The following AGFG1 variants were observed in gnomAD, a reference collection of about 807,000 sequenced individuals.
AGFG1 encodes ArfGAP with FG repeats 1.
In AGFG1, 10 loss-of-function variants were observed where a neutral mutation model predicts 60.6. The ratio of observed to expected loss-of-function variants is 0.16; its 90% CI spans 0.10 to 0.28. AGFG1 has a LOEUF of 0.28. Ranked by LOEUF, AGFG1 falls within the 10% of genes least tolerant of loss-of-function variation. The pLI is 1.00. For synonymous variants in AGFG1, 247 were observed against 242.9 expected (o/e 1.02, Z -0.16); for missense variants, 537 against 676.5 (o/e 0.79, Z 2.29).
rs1692923437 is a variant in AGFG1 at position 227,554,752 on chromosome 2, T to TA, written c.*258dup. ...TTGGCTAATATTAAGTTATTGCAGA[T>TA]ACCACATTCATTATGCTGCAGTACT... On this transcript the variant is annotated 3_prime_UTR_variant, in exon 13 of 13. Transcript: ENST00000310078. The TA allele has an allele frequency of 2.8e-6, 1 of 355,512 alleles. No homozygotes were observed. Among genetic ancestry groups the TA allele is most frequent in the African/African-American group, 2.1e-5 (1 of 47,878 alleles). The allele number at this position is 355,512 out of a possible 1,614,324, so 22.0% of individuals were successfully genotyped here. A position where few individuals can be genotyped will look rare whatever the true frequency, so the allele number is the denominator to read the frequency against.
Position 227,536,655 on chromosome 2 carries a change from T to C in AGFG1, c.1236T>C (p.Ala412=). ...SNVFGTVPVV[A]SAQTQPASSS... ...TTTTTGGAACAGTGCCAGTGGTTGC[T>C]TCTGCACAGACACAGCCTGCTTCAT... is the stretch of plus-strand genomic sequence containing the variant. Residue 412 remains alanine (A), a synonymous_variant, in exon 9 of 13, where the codon GCT becomes GCC. Transcript: ENST00000310078. 1 of 1,613,932 alleles carries C rather than the reference T, an allele frequency of 6.2e-7. No homozygotes were observed. The highest frequency in any genetic ancestry group is 8.5e-7 in the Non-Finnish European group (1 of 1,179,870).
chr2:227,558,190 A>G lies in AGFG1; in HGVS notation c.*3695A>G, dbSNP rs1693031081. The G allele has an allele frequency of 6.6e-6, 1 of 152,240 alleles. No individual in the cohort carries two copies. The highest frequency in any genetic ancestry group is 1.5e-5 in the Non-Finnish European group (1 of 68,036). The allele number at this position is 152,240 out of a possible 1,614,324, so 9.4% of individuals were successfully genotyped here. ...TATACTTTTAGGATGAAAGAAGCAA[A>G]GCATAGAGAGGTTAAGCTAGTGGCA... On this transcript the variant is annotated 3_prime_UTR_variant, in exon 13 of 13. Transcript: ENST00000310078.
chr2:227,497,005 GAGTTA>G (rs1347512995), intron 2 of AGFG1, among the ~76,000 whole-genome samples: 1 of 152,280 alleles, frequency 6.6e-6, no homozygotes, highest in East Asian at 1.9e-4. Flanking sequence ...TAGAGTGGCA[GAGTTA>G]AGTTATATAC....
chr2:227,515,762 TG>T lies in AGFG1; in HGVS notation c.262-4185del, dbSNP rs368192917. On this transcript the variant is annotated intron_variant, in intron 2 of 12. Coordinates refer to ENST00000310078, the MANE Select transcript of AGFG1 (RefSeq NM_004504.5). ...CATTCTCTCCCTTTTTTCCCAACCT[TG>T]AAACCCCCTTTTTTCAGTTGATGGT... 3.4e-3 allele frequency among the ~76,000 whole-genome samples: 514 copies of T among 152,216 alleles called. 3 individuals are homozygous for T. The highest frequency in any genetic ancestry group is 0.012 in the African/African-American group (488 of 41,526).
At chr2:227,472,953 G>A (rs997082426) in intron 1 of AGFG1, among the ~76,000 whole-genome samples, 1 of 151,088 alleles carries the variant, frequency 6.6e-6, no homozygotes, top group Non-Finnish European at 1.5e-5. Flanking sequence ...GGGGCGCCGG[G>A]CTGTGGGGGG....
intron 10 of AGFG1, among the ~76,000 whole-genome samples, chr2:227,541,466 T>G (rs1171257131): frequency 1.3e-5 from 2 of 152,230 alleles, no homozygotes; most frequent in African/African-American, 4.8e-5. Flanking sequence ...TTTTCCCATT[T>G]CTTGTTTTTG....
intron 4 of AGFG1, among the ~76,000 whole-genome samples, chr2:227,524,323 G>A (rs1691919177): frequency 6.6e-6 from 1 of 152,116 alleles, no homozygotes; most frequent in Non-Finnish European, 1.5e-5. Flanking sequence ...TTTAGTAGTA[G>A]AGTTTTCCCA....
At chr2:227,523,159 T>TA (rs1691873281) in intron 3 of AGFG1, among the ~76,000 whole-genome samples, 3 of 152,196 alleles carry the variant, frequency 2.0e-5, no homozygotes, top group African/African-American at 7.2e-5. Flanking sequence ...TAGGTAGCAA[T>TA]AAAAAATTGT....
At chr2:227,520,248 C>T (rs1398065637) in intron 3 of AGFG1, among the ~76,000 whole-genome samples, 185 bp downstream of exon 3, 5 of 152,134 alleles carry the variant, frequency 3.3e-5, no homozygotes, top group Non-Finnish European at 4.4e-5. Context: ...TTTATCTTAA[C>T]TCATCTGTTC....
chr2:227,476,176 CTATT>C (rs542574463), intron 1 of AGFG1, among the ~76,000 whole-genome samples: 2 of 152,160 alleles, frequency 1.3e-5, no homozygotes, highest in South Asian at 2.1e-4. Context: ...TGCAGTTAAA[CTATT>C]TGTTACTGAG....
At chr2:227,541,382 G>A (rs188166281) in intron 10 of AGFG1, among the ~76,000 whole-genome samples, 3 of 152,296 alleles carry the variant, frequency 2.0e-5, no homozygotes, top group African/African-American at 7.2e-5. Context: ...CAAGGTGTAA[G>A]GAAGGGATCC....
intron 10 of AGFG1, chr2:227,549,978 T>C (rs1161841139): frequency 1.7e-5 from 7 of 414,534 alleles, no homozygotes; most frequent in Non-Finnish European, 3.0e-5. Context: ...TATAACTTTT[T>C]AATGAAACAA....
At chr2:227,530,100 A>G (rs907546342) in intron 5 of AGFG1, among the ~76,000 whole-genome samples, 12 of 152,168 alleles carry the variant, frequency 7.9e-5, no homozygotes, top group African/African-American at 2.9e-4. Context: ...AATGACAACT[A>G]TTAGCAAGAC....
intron 3 of AGFG1, 91 bp from the exon 4 acceptor site, chr2:227,523,672 A>G (rs1575095894): frequency 1.6e-6 from 2 of 1,265,170 alleles, no homozygotes; most frequent in East Asian, 2.5e-5. Flanking sequence ...ATGGTGAAAC[A>G]ATCTTGTACA....
chr2:227,554,439 G>T lies in AGFG1; in HGVS notation c.1633G>T (p.Gly545Cys), dbSNP rs1373402093. ...TTTGTCTTATGTTTTCCTTTAGACT[G>T]GTGCACCAACAGGACAATTTCCAAC... ...AGVSSNPFMT[G>C]APTGQFPTGS... Residue 545 changes from glycine to cysteine, a missense_variant, in exon 13 of 13, where the codon GGT becomes TGT. By Grantham distance (159) the Gly-to-Cys change is radical (BLOSUM62 -3). Around this residue, in one of 4 missense-constraint regions of AGFG1, gnomAD observed 28 missense variants for 51.5 expected, o/e 0.54. Transcript: ENST00000310078. 1.2e-6 allele frequency: 2 copies of T among 1,612,750 alleles called. No individual in the cohort carries two copies. The highest frequency in any genetic ancestry group is 1.7e-6 in the Non-Finnish European group (2 of 1,179,280).
At chr2:227,509,937 G>A (rs755065837) in intron 2 of AGFG1, among the ~76,000 whole-genome samples, 23 of 152,144 alleles carry the variant, frequency 1.5e-4, no homozygotes, top group Non-Finnish European at 2.9e-4. Flanking sequence ...AAGGAAACTC[G>A]TGAAAGGCAG....
At chr2:227,551,279 C>T (rs13397774) in intron 10 of AGFG1, among the ~76,000 whole-genome samples, 1,955 of 152,224 alleles carry the variant, frequency 0.013, 21 homozygotes, top group Middle Eastern at 0.037. Context: ...CCTTCAGTCT[C>T]GCAAAGCTGT....
chr2:227,550,355 A>G (rs1456879988), intron 10 of AGFG1, among the ~76,000 whole-genome samples: 2 of 152,228 alleles, frequency 1.3e-5, no homozygotes, highest in African/African-American at 2.4e-5. Flanking sequence ...TAGAATGTTA[A>G]TAGCCATTTT....
At chr2:227,508,681 T>C (rs369095884) in intron 2 of AGFG1, 66 of 421,716 alleles carry the variant, frequency 1.6e-4, no homozygotes, top group African/African-American at 1.1e-3. Context: ...ATGGAAACAC[T>C]GTTGGGATTT....
Sources: allele counts gnomAD v4.1 joint callset (sites outside exome capture counted in the v4.1 genomes callset), GRCh38; gene constraint gnomAD v4.1.1; regional missense constraint gnomAD v4.1.1; transcripts MANE v1.5; gene names NCBI Gene and HGNC (gene_info 2026-07-23, HGNC 2026-07-21).